The following SLC35F4 variants were observed in gnomAD, a reference collection of about 807,000 sequenced individuals.
SLC35F4 encodes chromosome 14 open reading frame 36.
SLC35F4 carries 24 observed loss-of-function variants against 44.2 expected under a neutral mutation model. That is an observed-to-expected ratio of 0.54 (90% confidence interval 0.39 to 0.76). The LOEUF is 0.76. Among genes scored for constraint, SLC35F4 ranks in the 30% least tolerant of loss-of-function variants. SLC35F4 has a pLI of 0.00. For synonymous variants in SLC35F4, 238 were observed against 223.6 expected (o/e 1.06, Z -0.57); for missense variants, 562 against 586.1 (o/e 0.96, Z 0.42).
At chr14:57,819,874 T>C (rs1265205018) in intron 1 of SLC35F4, among the ~76,000 whole-genome samples, 1 of 151,860 alleles carries the variant, frequency 6.6e-6, no homozygotes, top group Non-Finnish European at 1.5e-5. Flanking sequence ...CCAAGGCTTC[T>C]TATAAATCTA....
intron 1 of SLC35F4, among the ~76,000 whole-genome samples, chr14:57,691,833 A>T (rs1347476560): frequency 1.3e-5 from 2 of 149,424 alleles, no homozygotes; most frequent in Non-Finnish European, 3.0e-5. Flanking sequence ...ACAGACTTAG[A>T]TGAACAATGC....
At chr14:57,872,608 T>C (rs950006439) in intron 1 of SLC35F4, among the ~76,000 whole-genome samples, 1 of 152,140 alleles carries the variant, frequency 6.6e-6, no homozygotes, top group African/African-American at 2.4e-5. Context: ...GAAAATGCAT[T>C]TGCTTGGCTC....
At chr14:57,776,121 C>T (rs980787458) in intron 1 of SLC35F4, among the ~76,000 whole-genome samples, 1 of 152,138 alleles carries the variant, frequency 6.6e-6, no homozygotes, top group Non-Finnish European at 1.5e-5. Context: ...AAGGAATGAA[C>T]AAAACCTCCA....
intron 1 of SLC35F4, among the ~76,000 whole-genome samples, chr14:57,909,217 C>A (rs1190663085): frequency 6.6e-6 from 1 of 152,080 alleles, no homozygotes; most frequent in Non-Finnish European, 1.5e-5. Flanking sequence ...GGACAACCTC[C>A]CCCACTATCA....
intron 1 of SLC35F4, among the ~76,000 whole-genome samples, chr14:57,644,264 T>A (rs1025823031): frequency 6.6e-6 from 1 of 152,168 alleles, no homozygotes; most frequent in African/African-American, 2.4e-5. Flanking sequence ...TTTCTCCACA[T>A]CCTCTCCAGC....
chr14:57,717,003 A>G (rs1463667746), intron 1 of SLC35F4, among the ~76,000 whole-genome samples: 1 of 152,166 alleles, frequency 6.6e-6, no homozygotes. Flanking sequence ...TATTTCACTC[A>G]ACACAGTGTC....
intron 7 of SLC35F4, among the ~76,000 whole-genome samples, chr14:57,565,080 T>A (rs2139652535): frequency 6.6e-6 from 1 of 152,370 alleles, no homozygotes; most frequent in African/African-American, 2.4e-5. Flanking sequence ...CCTCATTCCT[T>A]CTTATGGCTG....
At chr14:57,898,000 C>A (rs938638251) in intron 1 of SLC35F4, among the ~76,000 whole-genome samples, 4 of 152,182 alleles carry the variant, frequency 2.6e-5, no homozygotes, top group African/African-American at 9.7e-5. Flanking sequence ...AATATATCTT[C>A]TTCAGGTAGC....
chr14:57,717,497 G>A (rs908983282), intron 1 of SLC35F4, among the ~76,000 whole-genome samples: 12 of 152,206 alleles, frequency 7.9e-5, no homozygotes, highest in African/African-American at 2.2e-4. Flanking sequence ...TTAGCCAGGC[G>A]TGGTGTCGGG....
intron 1 of SLC35F4, among the ~76,000 whole-genome samples, chr14:57,916,292 A>G (rs1282071392): frequency 2.0e-5 from 3 of 152,220 alleles, no homozygotes; most frequent in African/African-American, 7.2e-5. Context: ...CAACCTAATC[A>G]GCTCTTAAAG....
At chr14:57,605,507 G>A (rs535275028) in intron 1 of SLC35F4, among the ~76,000 whole-genome samples, 1 of 152,212 alleles carries the variant, frequency 6.6e-6, no homozygotes, top group African/African-American at 2.4e-5. Context: ...ACTGTTGGTG[G>A]GAATGCAAAT....
In SLC35F4 at chr14:57,911,243, T is replaced by A. The variant is rs1405447113; in HGVS notation, n.282+70670A>T. Among the ~76,000 whole-genome samples the A allele has an allele frequency of 3.3e-5, 5 of 151,888 alleles. No homozygotes were observed. The East Asian group carries it at 9.6e-4, about 29-fold the overall frequency. On this transcript the variant is annotated intron_variant and non_coding_transcript_variant, in intron 1 of 1. Transcript: ENST00000556568. ...AATGTAGAAAAAAGCTATAAACAAA[T>A]TTTTTTTCCTTCCTAATCTATATAT...
At chr14:57,783,312 G>A (rs1595052338) in intron 1 of SLC35F4, among the ~76,000 whole-genome samples, 1 of 152,074 alleles carries the variant, frequency 6.6e-6, no homozygotes, top group East Asian at 1.9e-4. Flanking sequence ...GCAGCAGAGA[G>A]TTCCCAGATG....
chr14:57,772,047 A>G (rs1267374605), intron 1 of SLC35F4, among the ~76,000 whole-genome samples: 1 of 152,200 alleles, frequency 6.6e-6, no homozygotes, highest in Admixed American at 6.5e-5. Context: ...CTGTGTCTTC[A>G]TGCACAACTA....
intron 1 of SLC35F4, among the ~76,000 whole-genome samples, chr14:57,817,843 A>T (rs998806753): frequency 9.2e-5 from 14 of 152,194 alleles, no homozygotes; most frequent in African/African-American, 3.4e-4. Context: ...GGTAGGAGTC[A>T]GAAGCCTCTG....
At chr14:57,580,527 G>C (rs1594928442) in intron 4 of SLC35F4, 1 of 394,666 alleles carries the variant, frequency 2.5e-6, no homozygotes, top group Admixed American at 3.4e-5. Context: ...AATCTTCAGG[G>C]CTTCCCAGCA....
intron 2 of SLC35F4, among the ~76,000 whole-genome samples, chr14:57,593,675 A>G (rs1278873210): frequency 6.6e-6 from 1 of 152,172 alleles, no homozygotes; most frequent in Non-Finnish European, 1.5e-5. Context: ...CTACCTTGTA[A>G]ACTTCACCAG....
intron 1 of SLC35F4, among the ~76,000 whole-genome samples, chr14:57,768,761 T>C (rs182510547): frequency 2.1e-4 from 32 of 152,194 alleles, no homozygotes; most frequent in Admixed American, 1.1e-3. Flanking sequence ...TTTTTTTTTT[T>C]CTTCTTTCTG....
chr14:57,773,703 A>T lies in SLC35F4; in HGVS notation c.103+92020T>A, dbSNP rs538372900. Among the ~76,000 whole-genome samples the T allele has an allele frequency of 3.3e-5, 5 of 152,288 alleles. No homozygotes were observed. The South Asian group carries it at 1.0e-3, about 32-fold the overall frequency. ...ACAATTGTTTAACATGACCTGAAAC[A>T]TGAAAATAATTAACAGTTCATCAGT... On this transcript the variant is annotated intron_variant, in intron 1 of 7. Transcript: ENST00000556826.
Sources: gnomAD v4.1 joint callset for allele counts (sites outside exome capture counted in the v4.1 genomes callset) on GRCh38, gnomAD v4.1.1 for gene constraint, MANE v1.5 for transcripts, NCBI Gene and HGNC (gene_info 2026-07-23, HGNC 2026-07-21) for gene names.